Variants in ANXA8 observed in about 807,000 individuals in gnomAD.
ANXA8 encodes annexin A8.
ANXA8 carries 9 observed loss-of-function variants against 26.8 expected under a neutral mutation model. The observed-to-expected ratio is 0.34, with a 90% CI of 0.20 to 0.59. ANXA8 has a LOEUF of 0.59. Ranked by LOEUF, ANXA8 falls within the 20% of genes least tolerant of loss-of-function variation. The probability of loss-of-function intolerance (pLI) is 0.84; values close to 1 mark genes in which losing one functional copy is unlikely to be tolerated. For missense variants in ANXA8, 83 were observed against 238.5 expected, an observed-to-expected ratio of 0.35 and a Z score of 4.29; for synonymous variants, 39 against 94.8, an observed-to-expected ratio of 0.41 and a Z score of 3.42.
At chr10:47,733,219 T>TTCTTTC in the ANXA8 span, among the ~76,000 whole-genome samples, 3 of 68,044 alleles carry the variant, frequency 4.4e-5, no homozygotes, top group Non-Finnish European at 9.3e-5. Flanking sequence ...CTTTCTTTCT[T>TTCTTTC]TCTCTTTCTT....
chr10:47,694,417 CTTTTT>C, the ANXA8 span, among the ~76,000 whole-genome samples: 4 of 107,958 alleles, frequency 3.7e-5, no homozygotes, highest in Admixed American at 9.7e-5. Context: ...AGAAATCTTC[CTTTTT>C]TTTTTTTTTT....
chr10:47,631,937 T>C, the ANXA8 span, among the ~76,000 whole-genome samples: 1 of 151,836 alleles, frequency 6.6e-6, no homozygotes, highest in African/African-American at 2.4e-5. Flanking sequence ...ATGAAATAAG[T>C]AAGCTCAATC....
At chr10:47,651,869 G>C in the ANXA8 span, among the ~76,000 whole-genome samples, 1 of 151,480 alleles carries the variant, frequency 6.6e-6, no homozygotes, top group African/African-American at 2.4e-5. Flanking sequence ...ACTCCAGCCT[G>C]GTCAATAAGA....
chr10:47,600,503 C>T, the ANXA8 span, among the ~76,000 whole-genome samples: 1 of 149,078 alleles, frequency 6.7e-6, no homozygotes, highest in African/African-American at 2.6e-5. Context: ...ATACTGAATT[C>T]GGAATAAGCC....
the ANXA8 span, among the ~76,000 whole-genome samples, chr10:47,645,563 A>G: frequency 6.6e-6 from 1 of 151,348 alleles, no homozygotes; most frequent in Non-Finnish European, 1.5e-5. Context: ...AAGAAAAGAG[A>G]AAAAATAATT....
the ANXA8 span, among the ~76,000 whole-genome samples, chr10:47,575,327 A>ATT: frequency 2.0e-5 from 1 of 50,450 alleles, no homozygotes; most frequent in Non-Finnish European, 4.7e-5. Context: ...TGATTTTTTA[A>ATT]TTTTTTAACA....
At chr10:47,978,909 CTG>C in the ANXA8 span, among the ~76,000 whole-genome samples, 1 of 134,414 alleles carries the variant, frequency 7.4e-6, no homozygotes, top group South Asian at 2.7e-4. Context: ...AATGAATCAA[CTG>C]TTATCTATAA....
chr10:47,977,112 CACAA>C, the ANXA8 span, among the ~76,000 whole-genome samples: 1 of 93,318 alleles, frequency 1.1e-5, no homozygotes, highest in East Asian at 2.3e-4. Flanking sequence ...CATGGCTCAA[CACAA>C]ACAAAGCTTC....
At chr10:47,954,547 A>G in the ANXA8 span, among the ~76,000 whole-genome samples, 1 of 151,374 alleles carries the variant, frequency 6.6e-6, no homozygotes, top group Admixed American at 6.6e-5. Context: ...GTAAGCGTGT[A>G]TAATTGGAAT....
the ANXA8 span, among the ~76,000 whole-genome samples, chr10:47,940,776 C>T: frequency 2.0e-4 from 28 of 141,936 alleles, 1 homozygote; most frequent in Non-Finnish European, 2.9e-4. Flanking sequence ...TGCAGTGAGC[C>T]GAGATCATGC....
At chr10:47,747,084 A>T in the ANXA8 span, among the ~76,000 whole-genome samples, 1 of 142,288 alleles carries the variant, frequency 7.0e-6, no homozygotes, top group African/African-American at 2.6e-5. Flanking sequence ...TCTCAAAAGA[A>T]GAAAAACACA....
chr10:47,706,015 G>A, the ANXA8 span, among the ~76,000 whole-genome samples: 5 of 151,768 alleles, frequency 3.3e-5, no homozygotes. Context: ...GGGGGGGAGG[G>A]GCGCCGCCGC....
the ANXA8 span, among the ~76,000 whole-genome samples, chr10:47,703,366 G>A: frequency 1.8e-4 from 27 of 151,644 alleles, no homozygotes; most frequent in South Asian, 4.2e-4. Context: ...CCAGGAGTTC[G>A]AGACCAGCCT....
At chr10:47,657,277 C>A in the ANXA8 span, among the ~76,000 whole-genome samples, 2 of 151,648 alleles carry the variant, frequency 1.3e-5, no homozygotes, top group Non-Finnish European at 2.9e-5. Flanking sequence ...TTGTCCAGGC[C>A]AGTCTCAAAC....
chr10:47,633,853 C>T, the ANXA8 span, among the ~76,000 whole-genome samples: 8,593 of 147,774 alleles, frequency 0.058, 819 homozygotes, highest in African/African-American at 0.21. Flanking sequence ...ATGTTTTTCA[C>T]CCAGTTAATG....
At chr10:47,743,301 T>TATATATACACATATATATAC in the ANXA8 span, among the ~76,000 whole-genome samples, 197 of 41,338 alleles carry the variant, frequency 4.8e-3, 11 homozygotes, top group Middle Eastern at 9.6e-3. Context: ...TATACACATA[T>TATATATACACATATATATAC]ATATATATAT....
the ANXA8 span, among the ~76,000 whole-genome samples, chr10:47,703,532 C>A: frequency 6.7e-6 from 1 of 149,144 alleles, no homozygotes; most frequent in Non-Finnish European, 1.5e-5. Flanking sequence ...CATGCCACTG[C>A]ACTTCAGCCT....
At chr10:47,704,708 A>G in the ANXA8 span, among the ~76,000 whole-genome samples, 2 of 151,988 alleles carry the variant, frequency 1.3e-5, no homozygotes, top group East Asian at 1.9e-4. Flanking sequence ...TAAGATTAAC[A>G]TACAAAAGTC....
chr10:47,552,677 G>A, the ANXA8 span, among the ~76,000 whole-genome samples: 7 of 151,930 alleles, frequency 4.6e-5, no homozygotes, highest in Non-Finnish European at 7.4e-5. Context: ...CAATAAATTG[G>A]TAGTCACTGA....
Sources: gnomAD v4.1 joint callset for allele counts (sites outside exome capture counted in the v4.1 genomes callset) on GRCh38, gnomAD v4.1.1 for gene constraint, MANE v1.5 for transcripts, NCBI Gene and HGNC (gene_info 2026-07-23, HGNC 2026-07-21) for gene names.